The following BOP1 variants were observed in gnomAD, a reference collection of about 807,000 sequenced individuals.
BOP1 encodes BOP1 ribosomal biogenesis factor, also known as ribosome biogenesis protein BOP1.
BOP1 carries 54 observed loss-of-function variants against 82.9 expected under a neutral mutation model. The ratio of observed to expected loss-of-function variants is 0.65; its 90% CI spans 0.52 to 0.82. The LOEUF (loss-of-function observed/expected upper bound fraction) is 0.82, where lower values mean the gene tolerates loss of function less well. BOP1 is among the 40% of genes least tolerant of loss of function. BOP1 has a pLI of 0.00. For synonymous variants in BOP1, 566 were observed against 451.1 expected, an observed-to-expected ratio of 1.25 and a Z score of -3.23; for missense variants, 1,170 against 1,072.0, an observed-to-expected ratio of 1.09 and a Z score of -1.28.
In BOP1 at chr8:144,275,378, G is replaced by GC. The variant is rs1446726155; in HGVS notation, c.390+845dup. Among the ~76,000 whole-genome samples, 85 of 152,268 alleles carry GC rather than the reference G, an allele frequency of 5.6e-4. 1 individual carries two copies. The highest frequency in any genetic ancestry group is 1.9e-3 in the African/African-American group (77 of 41,540). On this transcript the variant is annotated intron_variant, in intron 3 of 15. Coordinates refer to ENST00000569669, the MANE Select transcript of BOP1 (RefSeq NM_015201.5). ...TTCCAGCCCCTCCCAAATGAGGGCAGCCCCCCGCAGCCAAATCTGCTCTTG... is the reference window on the plus strand; with the variant it reads ...TTCCAGCCCCTCCCAAATGAGGGCAGCCCCCCCGCAGCCAAATCTGCTCTTG...
intron 2 of BOP1, among the ~76,000 whole-genome samples, chr8:144,276,741 G>A (rs1845572918): frequency 6.6e-6 from 1 of 152,238 alleles, no homozygotes; most frequent in Non-Finnish European, 1.5e-5. Context: ...GGGGCAGCAT[G>A]GTCGGGGGGA....
In BOP1 at chr8:144,264,887, G is replaced by A. The variant is rs1237588250; in HGVS notation, c.545+30C>T. ...CTGCCCCACCCCTCGGGCCCACCCCGGCTGCTGGCCCCACCCCACCAGCCC... is the reference window on the plus strand; with the variant it reads ...CTGCCCCACCCCTCGGGCCCACCCCAGCTGCTGGCCCCACCCCACCAGCCC... On this transcript the variant is annotated intron_variant, in intron 4 of 15. Coordinates refer to ENST00000569669, the MANE Select transcript of BOP1 (RefSeq NM_015201.5). The A allele has an allele frequency of 3.2e-4, 265 of 834,832 alleles. 1 individual carries two copies. The East Asian group carries it at 9.5e-3, about 30-fold the overall frequency. 51.7% of individuals were successfully genotyped at this position (834,832 alleles called of 1,614,324 possible).
chr8:144,271,777 C>T (rs1242971230), intron 3 of BOP1, among the ~76,000 whole-genome samples: 1 of 152,166 alleles, frequency 6.6e-6, no homozygotes, highest in Non-Finnish European at 1.5e-5. Context: ...GGGCCCCAGG[C>T]AGGAGGAGCC....
chr8:144,262,868 C>A lies in BOP1; in HGVS notation c.1879G>T (p.Ala627Ser). The change falls in exon 13 of 16, where the codon GCG (alanine) becomes TCG (serine). Residue 627 changes from alanine (A) to serine (S), a missense_variant. Coordinates refer to ENST00000569669, the MANE Select transcript of BOP1 (RefSeq NM_015201.5). The part of the protein sequence containing the change: ...MPNCKWVSSL[A>S]VHPAGDNVIC... ...CACCCCTCACCTGCAGGGTGCACCG[C>A]CAGGCTGGACACCCACTTGCAGTTG... The A allele has an allele frequency of 7.2e-7, 1 of 1,386,612 alleles. No individual in the cohort carries two copies. The highest frequency in any genetic ancestry group is 9.5e-7 in the Non-Finnish European group (1 of 1,050,830). 85.9% of individuals were successfully genotyped at this position (1,386,612 alleles called of 1,614,324 possible).
At chr8:144,283,201 CAAAAA>C (rs60868806) in intron 2 of BOP1, among the ~76,000 whole-genome samples, 18 of 54,332 alleles carry the variant, frequency 3.3e-4, no homozygotes, top group South Asian at 2.7e-3. Flanking sequence ...AACTCCATCT[CAAAAA>C]AAAAAAAAAA....
At chr8:144,286,382 C>T (rs1554839478) in intron 2 of BOP1, among the ~76,000 whole-genome samples, 22 of 148,868 alleles carry the variant, frequency 1.5e-4, no homozygotes, top group African/African-American at 4.2e-4. Flanking sequence ...ACAGGACACG[C>T]GGGCAGGTGC....
chr8:144,266,694 C>T, intron 3 of BOP1: 1 of 1,240,022 alleles, frequency 8.1e-7, no homozygotes, highest in Non-Finnish European at 1.0e-6. Flanking sequence ...AGGACGAGGA[C>T]CGCGGCAGCG....
Position 144,263,859 on chromosome 8 carries a change from A to T in BOP1, c.1193T>A (p.Leu398Gln). ...GGCCTGGCACGTGGGGAAGGGCTGC[A>T]GGTCCCTCGGCCGAGGCAGCTTGGG... ...LIPKLPRPRD[L>Q]QPFPTCQALV... Residue 398 changes from leucine to glutamine, a missense_variant, in exon 9 of 16, where the codon CTG (leucine) becomes CAG (glutamine). Physicochemically the swap from Leu to Gln is moderately radical, Grantham distance 113. Transcript: ENST00000569669. The T allele has an allele frequency of 6.2e-7, 1 of 1,611,540 alleles. No individual in the cohort carries two copies. Among genetic ancestry groups the T allele is most frequent in the Non-Finnish European group, 8.5e-7 (1 of 1,179,662 alleles).
chr8:144,272,915 G>A (rs1037017007), intron 3 of BOP1, among the ~76,000 whole-genome samples: 2 of 152,176 alleles, frequency 1.3e-5, no homozygotes, highest in Admixed American at 6.5e-5. Flanking sequence ...GTAGCAGGGC[G>A]CGCCCGTTTC....
chr8:144,266,695 C>T, intron 3 of BOP1: 17 of 1,232,572 alleles, frequency 1.4e-5, no homozygotes, highest in Non-Finnish European at 1.7e-5. Flanking sequence ...GGACGAGGAC[C>T]GCGGCAGCGA....
intron 3 of BOP1, chr8:144,268,385 T>C: frequency 1.7e-6 from 1 of 592,618 alleles, no homozygotes; most frequent in South Asian, 2.0e-5. Flanking sequence ...CGCTGGCTTT[T>C]CTTCCGGCCA....
intron 1 of BOP1, among the ~76,000 whole-genome samples, chr8:144,289,960 A>G (rs1449944623): frequency 6.6e-6 from 1 of 152,238 alleles, no homozygotes; most frequent in Admixed American, 6.5e-5. Flanking sequence ...GAGCAGGACC[A>G]CAGCTGCCTC....
chr8:144,288,465 T>C (rs1343220229), intron 2 of BOP1, among the ~76,000 whole-genome samples: 2 of 54,512 alleles, frequency 3.7e-5, no homozygotes, highest in East Asian at 1.0e-3. Flanking sequence ...GGGATGGAGG[T>C]TGCAGTGAGC....
At chr8:144,284,148 C>T (rs1814801997) in intron 2 of BOP1, among the ~76,000 whole-genome samples, 1 of 151,866 alleles carries the variant, frequency 6.6e-6, no homozygotes, top group African/African-American at 2.4e-5. Flanking sequence ...CAAAACAAAA[C>T]TAGCCAGGCA....
Position 144,282,837 on chromosome 8 carries a change from C to CA in BOP1, c.309+6257dup, listed in dbSNP as rs1237814192. Among the ~76,000 whole-genome samples the CA allele has an allele frequency of 4.6e-5, 7 of 152,114 alleles. No individual in the cohort carries two copies. The East Asian group carries it at 1.2e-3, about 25-fold the overall frequency. ...CAGACCCTGCTCCTTGAGTGCACCTCACAAAACACCAGGACTCCTGACCCC... is the reference window on the plus strand; with the variant it reads ...CAGACCCTGCTCCTTGAGTGCACCTCAACAAAACACCAGGACTCCTGACCCC... On this transcript the variant is annotated intron_variant, in intron 2 of 15. Coordinates refer to ENST00000569669, the MANE Select transcript of BOP1 (RefSeq NM_015201.5).
intron 3 of BOP1, among the ~76,000 whole-genome samples, chr8:144,273,982 GT>G (rs1845533293): frequency 6.6e-6 from 1 of 152,208 alleles, no homozygotes; most frequent in South Asian, 2.1e-4. Context: ...CCAGCAGGGG[GT>G]CCCTGAAGCC....
intron 2 of BOP1, among the ~76,000 whole-genome samples, chr8:144,285,383 G>A (rs1554839343): frequency 6.6e-6 from 1 of 152,236 alleles, no homozygotes; most frequent in African/African-American, 2.4e-5. Context: ...GAGGCCACAG[G>A]GGCCACGTCT....
In BOP1 at chr8:144,263,708, G is replaced by A; in HGVS notation, c.1275C>T (p.Gly425=). The change falls in exon 10 of 16, where the codon GGC becomes GGT. Residue 425 remains glycine, a synonymous_variant. Coordinates refer to ENST00000569669, the MANE Select transcript of BOP1 (RefSeq NM_015201.5). The stretch of plus-strand genomic sequence containing the variant: ...CGGACCCACCTGAAACCAGCCACTG[G>A]CCCCCAGGAGAGACACTGAGGCACC... The part of the protein sequence containing the change: ...LVRCLSVSPG[G]QWLVSGSDDG... The A allele has an allele frequency of 6.4e-7, 1 of 1,573,546 alleles. No individual in the cohort carries two copies. The highest frequency in any genetic ancestry group is 1.2e-5 in the South Asian group (1 of 86,596).
intron 3 of BOP1, chr8:144,268,237 C>T: frequency 6.6e-6 from 10 of 1,514,792 alleles, no homozygotes; most frequent in Non-Finnish European, 8.9e-6. Context: ...CTGAGCTGGG[C>T]AAGGCCCACC....
Sources: gnomAD v4.1 joint callset for allele counts (sites outside exome capture counted in the v4.1 genomes callset) on GRCh38, gnomAD v4.1.1 for gene constraint, MANE v1.5 for transcripts, NCBI Gene and HGNC (gene_info 2026-07-23, HGNC 2026-07-21) for gene names.